SYN3: variants seen among roughly 807,000 people sequenced by gnomAD.
The protein encoded by SYN3 is synapsin-3.
SYN3 carries 35 observed loss-of-function variants against 65.8 expected under a neutral mutation model. The observed-to-expected ratio is 0.53, with a 90% confidence interval of 0.41 to 0.70. SYN3 has a LOEUF of 0.70. Among genes scored for constraint, SYN3 ranks in the 30% least tolerant of loss-of-function variants. The pLI is 0.00. For missense variants in SYN3, 680 were observed against 749.0 expected (o/e 0.91, Z 1.08); for synonymous variants, 270 against 292.9 (o/e 0.92, Z 0.80).
At chr22:32,762,090 G>A (rs925453845) in intron 6 of SYN3, among the ~76,000 whole-genome samples, 3 of 152,200 alleles carry the variant, frequency 2.0e-5, no homozygotes, top group African/African-American at 7.2e-5. Flanking sequence ...AAGACAGAAC[G>A]AGCCAGTAGT....
At chr22:32,882,918 G>A (rs2049182414) in intron 4 of SYN3, among the ~76,000 whole-genome samples, 1 of 151,160 alleles carries the variant, frequency 6.6e-6, no homozygotes, top group Admixed American at 6.6e-5. Flanking sequence ...CCCCCAACCA[G>A]CTCCTCTAAG....
intron 6 of SYN3, among the ~76,000 whole-genome samples, chr22:32,763,491 C>A (rs1463352013): frequency 2.6e-5 from 4 of 152,174 alleles, no homozygotes; most frequent in Non-Finnish European, 5.9e-5. Context: ...TGAAGTTTTA[C>A]ATTGGTACAT....
rs189482616 is a variant in SYN3, at chr22:32,988,277, A to G, written c.312-7575T>C. Among the ~76,000 whole-genome samples the G allele has an allele frequency of 5.7e-3, 865 of 151,350 alleles. 6 individuals are homozygous for G. Among genetic ancestry groups the G allele is most frequent in the South Asian group, 0.028 (132 of 4,768 alleles). On this transcript the variant is annotated intron_variant, in intron 2 of 13. Coordinates refer to ENST00000358763, the MANE Select transcript of SYN3 (RefSeq NM_003490.4). ...AGCCAAGATCTCGCCACTGCACTCC[A>G]GTCTGGCAACAGAGCAAGACTCTGT...
intron 6 of SYN3, among the ~76,000 whole-genome samples, chr22:32,849,042 G>A (rs181647564): frequency 2.2e-4 from 33 of 152,266 alleles, no homozygotes; most frequent in Admixed American, 8.5e-4. Flanking sequence ...GTTAGAAAGG[G>A]GTCCTAGTGG....
chr22:32,576,283 C>T (rs2058849493), intron 7 of SYN3, among the ~76,000 whole-genome samples: 2 of 151,776 alleles, frequency 1.3e-5, no homozygotes, highest in Admixed American at 1.3e-4. Flanking sequence ...ATGTGCCAAG[C>T]TCTGTGCCGA....
chr22:32,532,013 A>G (rs1384076697), intron 10 of SYN3, among the ~76,000 whole-genome samples: 5 of 150,960 alleles, frequency 3.3e-5, no homozygotes, highest in Non-Finnish European at 7.4e-5. Context: ...TTTTTCCCTA[A>G]GACTGAAAGC....
intron 7 of SYN3, among the ~76,000 whole-genome samples, chr22:32,558,890 G>A (rs1476567063): frequency 2.6e-5 from 4 of 152,244 alleles, no homozygotes; most frequent in East Asian, 1.9e-4. Flanking sequence ...ACCTCTGACT[G>A]GAGAGAAGAG....
intron 6 of SYN3, among the ~76,000 whole-genome samples, chr22:32,764,855 T>C (rs1757408632): frequency 6.6e-6 from 1 of 152,178 alleles, no homozygotes; most frequent in Non-Finnish European, 1.5e-5. Flanking sequence ...TCTGTCCTCA[T>C]TCTGATTCAT....
At chr22:32,877,090 C>T (rs1465958180) in intron 4 of SYN3, among the ~76,000 whole-genome samples, 1 of 152,198 alleles carries the variant, frequency 6.6e-6, no homozygotes, top group Non-Finnish European at 1.5e-5. Flanking sequence ...CAGTCTGTGC[C>T]CTCTGGCCCC....
chr22:33,014,705 G>A lies in SYN3; in HGVS notation c.-162-7881C>T, dbSNP rs896056823. Among the ~76,000 whole-genome samples the A allele has an allele frequency of 1.4e-4, 21 of 152,268 alleles. No individual in the cohort carries two copies. In the East Asian group the frequency reaches 2.7e-3, roughly 20 times the overall value. ...TGAGGCAGGAGAATCGCTTGAACCC[G>A]GGAGGCGGGAGTTGCGGTGAGCCGA... is the stretch of plus-strand genomic sequence containing the variant. On this transcript the variant is annotated intron_variant, in intron 1 of 13. Coordinates refer to ENST00000358763, the MANE Select transcript of SYN3 (RefSeq NM_003490.4).
At chr22:33,008,903 T>G (rs2053266962) in intron 1 of SYN3, among the ~76,000 whole-genome samples, 1 of 105,994 alleles carries the variant, frequency 9.4e-6, no homozygotes. Context: ...CCAGCCTGGG[T>G]GACAGAGTAA....
At chr22:32,980,623 T>C in intron 3 of SYN3, 22 bp downstream of exon 3, 1 of 1,613,266 alleles carries the variant, frequency 6.2e-7, no homozygotes, top group Non-Finnish European at 8.5e-7. Context: ...TTGACAGTGC[T>C]AAAGACACAG....
chr22:32,672,745 C>T (rs2060388418), intron 6 of SYN3, among the ~76,000 whole-genome samples: 1 of 152,194 alleles, frequency 6.6e-6, no homozygotes, highest in Non-Finnish European at 1.5e-5. Flanking sequence ...GGGGAGGCGG[C>T]CAGCTGGGGT....
chr22:32,581,452 C>T (rs897487686), intron 7 of SYN3, among the ~76,000 whole-genome samples: 6 of 152,186 alleles, frequency 3.9e-5, no homozygotes, highest in South Asian at 2.1e-4. Context: ...AAAGATCGCA[C>T]GTCAAGTGCT....
chr22:32,799,000 A>C (rs2046498097), intron 6 of SYN3, among the ~76,000 whole-genome samples: 1 of 152,122 alleles, frequency 6.6e-6, no homozygotes, highest in African/African-American at 2.4e-5. Context: ...CTGCATCTTC[A>C]TTCTTACTGT....
chr22:32,629,052 C>G (rs528826499), intron 6 of SYN3, among the ~76,000 whole-genome samples: 1 of 152,148 alleles, frequency 6.6e-6, no homozygotes, highest in African/African-American at 2.4e-5. Flanking sequence ...GGTTTATGAG[C>G]TCGGAGCCTG....
At chr22:32,848,945 G>C (rs574014027) in intron 6 of SYN3, among the ~76,000 whole-genome samples, 131 of 152,294 alleles carry the variant, frequency 8.6e-4, no homozygotes, top group Non-Finnish European at 1.6e-3. Context: ...TGGGGGCACT[G>C]TGGGAAGCTA....
intron 4 of SYN3, among the ~76,000 whole-genome samples, chr22:32,914,414 T>C (rs961352650): frequency 6.6e-6 from 1 of 151,108 alleles, no homozygotes; most frequent in Non-Finnish European, 1.5e-5. Context: ...AATATGGGGA[T>C]AGTAACAGGC....
At chr22:32,693,048 T>G (rs1364290186) in intron 6 of SYN3, among the ~76,000 whole-genome samples, 1 of 152,226 alleles carries the variant, frequency 6.6e-6, no homozygotes, top group East Asian at 1.9e-4. Flanking sequence ...ACCAGTGGAC[T>G]CCTGAAACCT....
Sources: allele counts gnomAD v4.1 joint callset (sites outside exome capture counted in the v4.1 genomes callset), GRCh38; gene constraint gnomAD v4.1.1; transcripts MANE v1.5; gene names NCBI Gene and HGNC (gene_info 2026-07-23, HGNC 2026-07-21).